The following KHDRBS3 variants were observed in gnomAD, a reference collection of about 807,000 sequenced individuals.
KHDRBS3 encodes KH RNA binding domain containing, signal transduction associated 3, also known as KH domain-containing, RNA-binding, signal transduction-associated protein 3.
KHDRBS3 carries 23 observed loss-of-function variants against 45.6 expected under a neutral mutation model. The ratio of observed to expected loss-of-function variants is 0.50; its 90% CI spans 0.36 to 0.72. The LOEUF is 0.72. Ranked by LOEUF, KHDRBS3 falls within the 30% of genes least tolerant of loss-of-function variation. KHDRBS3 has a pLI of 0.00. For synonymous variants in KHDRBS3, 162 were observed against 156.5 expected (o/e 1.04, Z -0.26); for missense variants, 352 against 424.8 (o/e 0.83, Z 1.51).
At chr8:135,463,238 TG>T (rs1248861512) in intron 1 of KHDRBS3, among the ~76,000 whole-genome samples, 5 of 152,208 alleles carry the variant, frequency 3.3e-5, no homozygotes, top group Admixed American at 1.3e-4. Context: ...TGGGAACTCC[TG>T]TCTTCATTTC....
chr8:135,542,405 C>T (rs1826088216), intron 2 of KHDRBS3: 1 of 399,976 alleles, frequency 2.5e-6, no homozygotes, highest in Non-Finnish European at 4.5e-6. Flanking sequence ...AAATTAGCTT[C>T]ATTCACAGTT....
chr8:135,482,627 G>A (rs1443941769), intron 1 of KHDRBS3, among the ~76,000 whole-genome samples: 1 of 152,134 alleles, frequency 6.6e-6, no homozygotes, highest in Admixed American at 6.5e-5. Flanking sequence ...GTATGCCGGG[G>A]TGGGTGAGAG....
chr8:135,468,184 C>T (rs907487773), intron 1 of KHDRBS3, among the ~76,000 whole-genome samples: 3 of 152,218 alleles, frequency 2.0e-5, no homozygotes, highest in African/African-American at 7.2e-5. Context: ...GCCCTTTGCT[C>T]TGGCTCCTGG....
At chr8:135,463,321 G>A (rs773906737) in intron 1 of KHDRBS3, among the ~76,000 whole-genome samples, 1 of 152,148 alleles carries the variant, frequency 6.6e-6, no homozygotes, top group South Asian at 2.1e-4. Context: ...AGTCAGTAAA[G>A]AGCTTTGCTT....
At chr8:135,488,038 T>C (rs1822952748) in intron 1 of KHDRBS3, among the ~76,000 whole-genome samples, 1 of 152,246 alleles carries the variant, frequency 6.6e-6, no homozygotes, top group South Asian at 2.1e-4. Flanking sequence ...TGTGCATAGG[T>C]GCATATGTCT....
intron 6 of KHDRBS3, among the ~76,000 whole-genome samples, chr8:135,584,896 G>A (rs1021359094): frequency 6.6e-6 from 1 of 152,070 alleles, no homozygotes; most frequent in African/African-American, 2.4e-5. Flanking sequence ...CAGCATGGTA[G>A]GGGGAATGGG....
chr8:135,516,229 A>G (rs1438434252), intron 1 of KHDRBS3, among the ~76,000 whole-genome samples: 1 of 152,238 alleles, frequency 6.6e-6, no homozygotes. Context: ...TGCATAGGAC[A>G]CTTACCATGA....
At chr8:135,638,893 G>A (rs577340086) in intron 7 of KHDRBS3, among the ~76,000 whole-genome samples, 4 of 151,810 alleles carry the variant, frequency 2.6e-5, no homozygotes, top group Admixed American at 1.3e-4. Context: ...CCTGGGAGGC[G>A]GAGGTTGCAG....
chr8:135,611,599 T>G (rs949039570), intron 7 of KHDRBS3, among the ~76,000 whole-genome samples: 2 of 151,878 alleles, frequency 1.3e-5, no homozygotes, highest in African/African-American at 2.4e-5. Context: ...TCCCATGCTC[T>G]TTTATCTGTG....
intron 2 of KHDRBS3, chr8:135,539,430 T>G (rs953319140): frequency 3.3e-5 from 5 of 152,298 alleles, no homozygotes; most frequent in African/African-American, 1.2e-4. Flanking sequence ...CCATTTTCAG[T>G]GTGGTGGCTC....
intron 1 of KHDRBS3, among the ~76,000 whole-genome samples, chr8:135,465,884 C>T (rs912863136): frequency 6.6e-6 from 1 of 152,144 alleles, no homozygotes; most frequent in Non-Finnish European, 1.5e-5. Context: ...TGTCTGTTTT[C>T]GATATATATC....
intron 1 of KHDRBS3, among the ~76,000 whole-genome samples, chr8:135,486,136 C>T (rs957205529): frequency 1.3e-5 from 2 of 151,874 alleles, no homozygotes; most frequent in African/African-American, 2.4e-5. Context: ...GTTTGAGAAG[C>T]GAAGTAGAAG....
chr8:135,515,925 C>T (rs1824572817), intron 1 of KHDRBS3, among the ~76,000 whole-genome samples: 1 of 152,156 alleles, frequency 6.6e-6, no homozygotes, highest in Non-Finnish European at 1.5e-5. Flanking sequence ...GTTGCTTAAC[C>T]ACAGGAATGT....
rs147413426 is a variant in KHDRBS3 at position 135,519,836 on chromosome 8, G to A, written c.89-1401G>A. On this transcript the variant is annotated intron_variant, in intron 1 of 8. Transcript: ENST00000355849. ...ATGGGAGGCTGCATATTAGGATGGA[G>A]TGAAAGCTCCTCCGTGGTATTATGA... Among the ~76,000 whole-genome samples the A allele has an allele frequency of 1.5e-4, 23 of 152,336 alleles. No individual in the cohort carries two copies. The East Asian group carries it at 4.4e-3, about 29-fold the overall frequency.
At chr8:135,469,860 A>G (rs888118151) in intron 1 of KHDRBS3, among the ~76,000 whole-genome samples, 1 of 152,218 alleles carries the variant, frequency 6.6e-6, no homozygotes, top group African/African-American at 2.4e-5. Flanking sequence ...AGAGACTGCC[A>G]TCAAGGTGAT....
At chr8:135,567,075 C>T (rs1016205720) in intron 5 of KHDRBS3, among the ~76,000 whole-genome samples, 1 of 152,136 alleles carries the variant, frequency 6.6e-6, no homozygotes, top group Non-Finnish European at 1.5e-5. Flanking sequence ...TGCATATTAA[C>T]GCCCTTGGAC....
At chr8:135,614,433 T>C (rs1254412135) in intron 7 of KHDRBS3, among the ~76,000 whole-genome samples, 1 of 151,892 alleles carries the variant, frequency 6.6e-6, no homozygotes, top group Admixed American at 6.6e-5. Context: ...TTTGATGTCT[T>C]ATTTACAATC....
chr8:135,497,352 G>A (rs1028617507), intron 1 of KHDRBS3, among the ~76,000 whole-genome samples: 4 of 152,194 alleles, frequency 2.6e-5, no homozygotes, highest in Non-Finnish European at 4.4e-5. Context: ...CCGACGAGGA[G>A]ATTGTGTCTT....
chr8:135,499,710 G>A (rs537628671), intron 1 of KHDRBS3, among the ~76,000 whole-genome samples: 1 of 152,240 alleles, frequency 6.6e-6, no homozygotes, highest in African/African-American at 2.4e-5. Context: ...TGTTTTAAAG[G>A]CGTTTATCTT....
Sources: gnomAD v4.1 joint callset for allele counts (sites outside exome capture counted in the v4.1 genomes callset) on GRCh38, gnomAD v4.1.1 for gene constraint, MANE v1.5 for transcripts, NCBI Gene and HGNC (gene_info 2026-07-23, HGNC 2026-07-21) for gene names.